KDM4C: variants seen among roughly 807,000 people sequenced by gnomAD.
KDM4C encodes lysine-specific demethylase 4C.
Under a neutral mutation model 129.3 loss-of-function variants are expected in KDM4C, and 81 were observed. That is an observed-to-expected ratio of 0.63 (90% CI 0.52 to 0.75). The LOEUF (loss-of-function observed/expected upper bound fraction) is 0.75, where lower values mean the gene tolerates loss of function less well. KDM4C is among the 30% of genes least tolerant of loss of function. The probability of loss-of-function intolerance (pLI) is 0.00; values close to 1 mark genes in which losing one functional copy is unlikely to be tolerated. For synonymous variants in KDM4C, 573 were observed against 456.1 expected, an observed-to-expected ratio of 1.26 and a Z score of -3.26; for missense variants, 1,457 against 1,304.0, an observed-to-expected ratio of 1.12 and a Z score of -1.81.
chr9:6,856,319 T>C (rs147415564), intron 5 of KDM4C, among the ~76,000 whole-genome samples: 2,006 of 152,288 alleles, frequency 0.013, 41 homozygotes, highest in African/African-American at 0.046. Context: ...TAATTTCAAA[T>C]GTTAAGACTT....
intron 20 of KDM4C, among the ~76,000 whole-genome samples, chr9:7,167,947 C>T (rs943461840): frequency 3.3e-5 from 5 of 152,166 alleles, no homozygotes; most frequent in South Asian, 4.1e-4. Context: ...TTTGGAAGGC[C>T]GAGGCAGGCA....
chr9:6,948,555 G>A (rs1311367245), intron 8 of KDM4C, among the ~76,000 whole-genome samples: 1 of 149,160 alleles, frequency 6.7e-6, no homozygotes, highest in Non-Finnish European at 1.5e-5. Flanking sequence ...AGGGTCATAG[G>A]ACAATAGTGG....
intron 18 of KDM4C, among the ~76,000 whole-genome samples, chr9:7,107,157 C>T (rs984295672): frequency 7.9e-5 from 12 of 152,214 alleles, no homozygotes; most frequent in African/African-American, 2.4e-4. Context: ...TGTAGTCATG[C>T]TGTCCGCTTC....
At chr9:6,788,018 T>G (rs1238034439) in intron 1 of KDM4C, among the ~76,000 whole-genome samples, 2 of 152,234 alleles carry the variant, frequency 1.3e-5, no homozygotes, top group African/African-American at 4.8e-5. Context: ...TGCTGTTCCT[T>G]GAAGAGTCCG....
chr9:6,917,861 C>G (rs1410514043), intron 8 of KDM4C, among the ~76,000 whole-genome samples: 1 of 152,172 alleles, frequency 6.6e-6, no homozygotes, highest in African/African-American at 2.4e-5. Context: ...GCCACTTGTG[C>G]ACTTGACCCC....
intron 17 of KDM4C, among the ~76,000 whole-genome samples, chr9:7,087,362 A>G (rs1434046623): frequency 6.6e-6 from 1 of 152,126 alleles, no homozygotes; most frequent in African/African-American, 2.4e-5. Flanking sequence ...TTCATAAAAT[A>G]ATTTTTAAAG....
intron 17 of KDM4C, among the ~76,000 whole-genome samples, chr9:7,059,825 A>G (rs1040097988): frequency 2.0e-5 from 3 of 152,148 alleles, no homozygotes; most frequent in African/African-American, 7.2e-5. Context: ...TCATAAAAAT[A>G]TTTTACTATG....
At chr9:7,051,121 C>A (rs1316675916) in intron 17 of KDM4C, among the ~76,000 whole-genome samples, 1 of 152,016 alleles carries the variant, frequency 6.6e-6, no homozygotes, top group Admixed American at 6.6e-5. Context: ...AGCCTCTTGA[C>A]CAGATTATTT....
rs191464004 is a variant in KDM4C, at chr9:7,061,140, G to A, written c.2424+11940G>A. 3.2e-4 allele frequency among the ~76,000 whole-genome samples: 49 copies of A among 152,284 alleles called. 1 individual carries two copies. The highest frequency in any genetic ancestry group is 2.6e-3 in the Admixed American group (40 of 15,306). The stretch of plus-strand genomic sequence containing the variant: ...TTAGCTCAATTTGCTTCGGTCAGTT[G>A]CACTATACAGATGTGTCCTTCTTCT... On this transcript the variant is annotated intron_variant, in intron 17 of 21. Transcript: ENST00000381309.
intron 8 of KDM4C, chr9:6,942,322 T>TGTGTGTGTGTGTGTG (rs1589229348): frequency 1.3e-5 from 2 of 148,760 alleles, no homozygotes; most frequent in African/African-American, 2.5e-5. Flanking sequence ...TGTGTGTGTG[T>TGTGTGTGTGTGTGTG]TTAATCCTCC....
intron 12 of KDM4C, among the ~76,000 whole-genome samples, chr9:7,011,100 G>C (rs978424874): frequency 5.3e-5 from 8 of 152,054 alleles, no homozygotes; most frequent in African/African-American, 1.7e-4. Context: ...TGACTCTCTA[G>C]GGGTATTTTA....
intron 4 of KDM4C, among the ~76,000 whole-genome samples, chr9:6,825,495 C>T (rs778757312): frequency 6.6e-6 from 1 of 152,092 alleles, no homozygotes; most frequent in Non-Finnish European, 1.5e-5. Context: ...TAACTGCATT[C>T]CTGATATGTT....
chr9:6,816,593 A>T (rs146075908), intron 4 of KDM4C, among the ~76,000 whole-genome samples: 2 of 152,192 alleles, frequency 1.3e-5, no homozygotes, highest in African/African-American at 4.8e-5. Flanking sequence ...TTATATATAC[A>T]TGGTTAGCTT....
At chr9:7,139,256 C>T (rs984617555) in intron 19 of KDM4C, among the ~76,000 whole-genome samples, 1 of 152,186 alleles carries the variant, frequency 6.6e-6, no homozygotes, top group Non-Finnish European at 1.5e-5. Context: ...GTCTGGGTGA[C>T]AGGACCAGAC....
chr9:6,766,124 A>G (rs753161085), intron 1 of KDM4C, among the ~76,000 whole-genome samples: 4 of 152,180 alleles, frequency 2.6e-5, no homozygotes, highest in Non-Finnish European at 5.9e-5. Context: ...AATATATTGT[A>G]TAGGTTGAGT....
intron 8 of KDM4C, among the ~76,000 whole-genome samples, chr9:6,900,635 A>T (rs1210787179): frequency 2.0e-5 from 3 of 152,200 alleles, no homozygotes; most frequent in African/African-American, 7.2e-5. Context: ...ACCTGTCTCA[A>T]AACACAAAGA....
chr9:7,165,780 C>T (rs1312474167), intron 20 of KDM4C, among the ~76,000 whole-genome samples: 1 of 152,174 alleles, frequency 6.6e-6, no homozygotes, highest in African/African-American at 2.4e-5. Context: ...TCCCCGCTAT[C>T]TCAGCAAAGC....
At chr9:6,885,712 C>T (rs1451003290) in intron 6 of KDM4C, among the ~76,000 whole-genome samples, 2 of 151,788 alleles carry the variant, frequency 1.3e-5, no homozygotes, top group African/African-American at 4.8e-5. Context: ...AACCATGTAG[C>T]CCTGCAGGTA....
At chr9:6,999,768 T>G (rs1820395005) in intron 12 of KDM4C, among the ~76,000 whole-genome samples, 1 of 151,976 alleles carries the variant, frequency 6.6e-6, no homozygotes, top group Non-Finnish European at 1.5e-5. Context: ...GGCTTACGAA[T>G]AGGTACATCT....
Sources: allele counts gnomAD v4.1 joint callset (sites outside exome capture counted in the v4.1 genomes callset), GRCh38; gene constraint gnomAD v4.1.1; transcripts MANE v1.5; gene names NCBI Gene and HGNC (gene_info 2026-07-23, HGNC 2026-07-21).